LARP4B: variants seen among roughly 807,000 people sequenced by gnomAD.
The protein encoded by LARP4B is La ribonucleoprotein 4B.
Under a neutral mutation model 89.8 loss-of-function variants are expected in LARP4B, and 12 were observed. The ratio of observed to expected loss-of-function variants is 0.13; its 90% CI spans 0.09 to 0.22. The LOEUF (loss-of-function observed/expected upper bound fraction) is 0.22. Among genes scored for constraint, LARP4B ranks in the 10% least tolerant of loss-of-function variants. LARP4B has a pLI of 1.00. For synonymous variants in LARP4B, 367 were observed against 363.3 expected (o/e 1.01, Z -0.12); for missense variants, 757 against 947.7 (o/e 0.80, Z 2.64).
At chr10:958,158 T>G in the LARP4B span, among the ~76,000 whole-genome samples, 3 of 152,166 alleles carry the variant, frequency 2.0e-5, no homozygotes, top group Non-Finnish European at 4.4e-5. Context: ...GGTTGTCACT[T>G]GGATTTGCTC....
At chr10:922,327 G>A (rs1047421006) in intron 1 of LARP4B, among the ~76,000 whole-genome samples, 2 of 152,210 alleles carry the variant, frequency 1.3e-5, no homozygotes, top group African/African-American at 4.8e-5. Flanking sequence ...ACCAGGCCAT[G>A]ATGGGTACGG....
At chr10:873,747 G>T (rs1231445452) in intron 3 of LARP4B, among the ~76,000 whole-genome samples, 1 of 152,206 alleles carries the variant, frequency 6.6e-6, no homozygotes, top group East Asian at 1.9e-4. Flanking sequence ...TAGGTATCAA[G>T]AAATTATTAC....
chr10:864,976 T>C (rs1404132617), intron 3 of LARP4B, among the ~76,000 whole-genome samples: 1 of 151,990 alleles, frequency 6.6e-6, no homozygotes, highest in Non-Finnish European at 1.5e-5. Context: ...GAAAGAAAGC[T>C]TCAAAAAGTC....
intron 3 of LARP4B, among the ~76,000 whole-genome samples, chr10:874,831 C>T (rs116910792): frequency 0.024 from 3,650 of 152,190 alleles, 92 homozygotes; most frequent in Non-Finnish European, 0.03. Context: ...AATTCAAGTA[C>T]TGAAATCATC....
At chr10:971,998 T>C in the LARP4B span, 3 of 143,730 alleles carry the variant, frequency 2.1e-5, no homozygotes, top group African/African-American at 8.2e-5. Flanking sequence ...TGGCTCCTGA[T>C]AAGTTCATTC....
At position 833,446 on chromosome 10, in the gene LARP4B, A is replaced by G. The variant is rs528801312; in HGVS notation, c.751-2469T>C. On this transcript the variant is annotated intron_variant, in intron 8 of 17. Coordinates refer to ENST00000316157, the MANE Select transcript of LARP4B (RefSeq NM_015155.3). ...ATATGCCAAAAAAGGAGATAAAAAT[A>G]CACATTTAATCCCAAACAAAAGGAG... Among the ~76,000 whole-genome samples the G allele has an allele frequency of 2.0e-5, 3 of 152,314 alleles. No individual in the cohort carries two copies. The South Asian group carries it at 6.2e-4, about 32-fold the overall frequency.
At chr10:860,225 G>C (rs962358575) in intron 5 of LARP4B, among the ~76,000 whole-genome samples, 1 of 152,014 alleles carries the variant, frequency 6.6e-6, no homozygotes, top group Non-Finnish European at 1.5e-5. Context: ...TTTTTAAAAA[G>C]GATGTTTGAT....
intron 3 of LARP4B, among the ~76,000 whole-genome samples, chr10:872,766 C>CA (rs1273246320): frequency 2.0e-5 from 3 of 152,198 alleles, no homozygotes; most frequent in Non-Finnish European, 2.9e-5. Context: ...CCGTTACCCA[C>CA]ACACAGTAGA....
At chr10:957,279 C>T in the LARP4B span, among the ~76,000 whole-genome samples, 1 of 152,196 alleles carries the variant, frequency 6.6e-6, no homozygotes, top group Non-Finnish European at 1.5e-5. Context: ...TATCCTGCCT[C>T]AGCCTCCCGA....
intron 1 of LARP4B, among the ~76,000 whole-genome samples, chr10:922,835 G>A (rs982946821): frequency 9.8e-5 from 15 of 152,336 alleles, no homozygotes; most frequent in Middle Eastern, 3.4e-3. Flanking sequence ...CACTTTGGGA[G>A]GCCAAGGCAG....
intron 2 of LARP4B, 122 bp downstream of exon 2, chr10:885,519 A>G: frequency 1.6e-6 from 1 of 613,698 alleles, no homozygotes; most frequent in Non-Finnish European, 2.8e-6. Context: ...AGACTCTAAT[A>G]TCTGTATGCA....
intron 5 of LARP4B, among the ~76,000 whole-genome samples, chr10:858,356 C>T (rs1477782478): frequency 6.6e-6 from 1 of 152,116 alleles, no homozygotes; most frequent in Non-Finnish European, 1.5e-5. Flanking sequence ...CATGCAAAAA[C>T]AAAGTTGGAT....
At chr10:945,851 A>G in the LARP4B span, among the ~76,000 whole-genome samples, 3 of 152,166 alleles carry the variant, frequency 2.0e-5, no homozygotes, top group Non-Finnish European at 4.4e-5. Context: ...CCCTGATCCA[A>G]TGAGGTTGTG....
the LARP4B span, among the ~76,000 whole-genome samples, chr10:948,065 A>G: frequency 6.6e-6 from 1 of 152,002 alleles, no homozygotes; most frequent in Non-Finnish European, 1.5e-5. Flanking sequence ...TCCTGCCTGG[A>G]GCTGCGCCGA....
intron 5 of LARP4B, among the ~76,000 whole-genome samples, chr10:846,429 G>A (rs1833780431): frequency 6.6e-6 from 1 of 152,208 alleles, no homozygotes. Flanking sequence ...ATCTGATAGA[G>A]GAGGGGTGGG....
At chr10:876,838 C>A (rs1184302231) in intron 3 of LARP4B, among the ~76,000 whole-genome samples, 1 of 152,118 alleles carries the variant, frequency 6.6e-6, no homozygotes, top group African/African-American at 2.4e-5. Flanking sequence ...AAGTCTCTGC[C>A]TGGGCCCCCA....
intron 1 of LARP4B, among the ~76,000 whole-genome samples, chr10:895,282 AT>A (rs1340531562): frequency 6.6e-6 from 1 of 152,122 alleles, no homozygotes; most frequent in Non-Finnish European, 1.5e-5. Context: ...TGGATATATT[AT>A]CAGTACACAC....
the LARP4B span, among the ~76,000 whole-genome samples, chr10:956,089 C>T: frequency 6.9e-6 from 1 of 145,456 alleles, no homozygotes; most frequent in Non-Finnish European, 1.5e-5. This position sits in a 1 kb window ranked among gnomAD's most constrained non-coding sequence, Gnocchi z 4.3. Context: ...CCGGCTAATC[C>T]ACCAAATGGG....
chr10:912,926 A>G (rs1191440793), intron 1 of LARP4B, among the ~76,000 whole-genome samples: 1 of 152,166 alleles, frequency 6.6e-6, no homozygotes, highest in Admixed American at 6.5e-5. Context: ...TCTTTATAAA[A>G]GAAACTGACA....
Sources: gnomAD v4.1 joint callset for allele counts (sites outside exome capture counted in the v4.1 genomes callset) on GRCh38, gnomAD v4.1.1 for gene constraint, Gnocchi (gnomAD v3.1) non-coding constraint, MANE v1.5 for transcripts, NCBI Gene and HGNC (gene_info 2026-07-23, HGNC 2026-07-21) for gene names.